The following ARHGAP12 variants were observed in gnomAD, a reference collection of about 807,000 sequenced individuals.
The protein encoded by ARHGAP12 is Rho GTPase activating protein 12.
In ARHGAP12, 64 loss-of-function variants were observed where a neutral mutation model predicts 108.6. The observed-to-expected ratio is 0.59, with a 90% CI of 0.48 to 0.73. The LOEUF (loss-of-function observed/expected upper bound fraction) is 0.73. ARHGAP12 is among the 30% of genes least tolerant of loss of function. ARHGAP12 has a pLI of 0.00. For missense variants in ARHGAP12, 940 were observed against 1,005.9 expected (o/e 0.93, Z 0.89); for synonymous variants, 312 against 337.2 (o/e 0.93, Z 0.82).
intron 15 of ARHGAP12, among the ~76,000 whole-genome samples, chr10:31,811,935 G>A (rs1835038655): frequency 6.6e-6 from 1 of 152,144 alleles, no homozygotes; most frequent in Admixed American, 6.6e-5. Context: ...GTTTACAGAT[G>A]TGAGCCACTG....
chr10:31,864,429 T>C (rs1219932815), intron 3 of ARHGAP12, among the ~76,000 whole-genome samples: 1 of 152,214 alleles, frequency 6.6e-6, no homozygotes, highest in Non-Finnish European at 1.5e-5. Flanking sequence ...TAAACCCTTG[T>C]TCCTAAATGG....
chr10:31,818,305 A>T (rs755513793), intron 12 of ARHGAP12, among the ~76,000 whole-genome samples: 9 of 152,242 alleles, frequency 5.9e-5, no homozygotes, highest in Non-Finnish European at 1.2e-4. Context: ...TGGCTAAAAA[A>T]TACAGAAGAA....
chr10:31,881,870 G>GTTTCAAAT (rs898803025), intron 3 of ARHGAP12, among the ~76,000 whole-genome samples: 1 of 150,006 alleles, frequency 6.7e-6, no homozygotes, highest in African/African-American at 2.5e-5. Context: ...AGAAATAAGT[G>GTTTCAAAT]TTTCAAATTT....
chr10:31,852,699 A>G, intron 5 of ARHGAP12, 102 bp from the exon 6 acceptor site: 1 of 727,786 alleles, frequency 1.4e-6, no homozygotes, highest in Non-Finnish European at 2.3e-6. Flanking sequence ...ATTTTATTCT[A>G]CTTGATCAAG....
chr10:31,843,441 A>G lies in ARHGAP12; in HGVS notation c.1296+20T>C, dbSNP rs377639748. On this transcript the variant is annotated intron_variant, in intron 7 of 19. Transcript: ENST00000344936. The stretch of plus-strand genomic sequence containing the variant: ...TACAATATAATGCAAAGAACTTGCC[A>G]AAAATCTCAACAGTCCTACCTTATC... 3.7e-5 allele frequency: 59 copies of G among 1,605,218 alleles called. No homozygotes were observed. Among genetic ancestry groups the G allele is most frequent in the African/African-American group, 1.5e-4 (11 of 74,262 alleles).
rs1022935126 is a variant in ARHGAP12, at chr10:31,826,346, T to G, written c.1488A>C (p.Ser496=). 3 of 1,613,134 alleles carry G rather than the reference T, an allele frequency of 1.9e-6. No individual in the cohort carries two copies. Among genetic ancestry groups the G allele is most frequent in the Admixed American group, 3.3e-5 (2 of 59,920 alleles). ...CTTGAGTTTTGGTAAAAAGTAAAGA[T>G]GAACCCTGCAACACCGCCCAAGAAG... The part of the protein sequence containing the change: ...WLSSWAVLQG[S]SLLFTKTQGS... Residue 496 remains serine (S), a synonymous_variant, in exon 11 of 20, where the codon TCA becomes TCC. Transcript: ENST00000344936.
intron 3 of ARHGAP12, among the ~76,000 whole-genome samples, chr10:31,897,056 G>C (rs771402013): frequency 6.6e-6 from 1 of 152,146 alleles, no homozygotes; most frequent in Non-Finnish European, 1.5e-5. Context: ...TGGCAGTCTT[G>C]AAAGAAAGAC....
At chr10:31,907,844 T>G (rs1839199234) in intron 3 of ARHGAP12, among the ~76,000 whole-genome samples, 1 of 152,152 alleles carries the variant, frequency 6.6e-6, no homozygotes, top group Non-Finnish European at 1.5e-5. Flanking sequence ...ATTTTTTCTA[T>G]TAGAAGAAAT....
At chr10:31,873,998 C>T (rs1837632905) in intron 3 of ARHGAP12, among the ~76,000 whole-genome samples, 1 of 152,182 alleles carries the variant, frequency 6.6e-6, no homozygotes, top group Admixed American at 6.5e-5. Context: ...ACTCTATCAT[C>T]AGCATTCAGA....
chr10:31,910,953 T>C (rs1388776961), intron 1 of ARHGAP12, among the ~76,000 whole-genome samples: 1 of 152,220 alleles, frequency 6.6e-6, no homozygotes, highest in Non-Finnish European at 1.5e-5. Context: ...AATAAAAACG[T>C]ATGTTAAAAG....
In ARHGAP12 at chr10:31,816,018, G is replaced by A. The variant is rs182544749; in HGVS notation, c.1732-1657C>T. Reference sequence around the variant, plus strand: ...TACAAAAACTTAGGCAGGTGTGGTGGTGGGTGCCTGTTATCCCAGCTACTT... The same window carrying A: ...TACAAAAACTTAGGCAGGTGTGGTGATGGGTGCCTGTTATCCCAGCTACTT... On this transcript the variant is annotated intron_variant, in intron 13 of 19. Coordinates refer to ENST00000344936, the MANE Select transcript of ARHGAP12 (RefSeq NM_018287.7). Among the ~76,000 whole-genome samples the A allele has an allele frequency of 2.4e-3, 363 of 152,192 alleles. 1 individual carries two copies. Among genetic ancestry groups the A allele is most frequent in the African/African-American group, 8.6e-3 (355 of 41,518 alleles).
intron 11 of ARHGAP12, among the ~76,000 whole-genome samples, chr10:31,823,963 G>C (rs1835506640): frequency 6.6e-6 from 1 of 152,102 alleles, no homozygotes; most frequent in African/African-American, 2.4e-5. Context: ...AACAAAGCTA[G>C]AATTCTTTAA....
In ARHGAP12 at chr10:31,880,530, A is replaced by G. The variant is rs147630010; in HGVS notation, c.685-18872T>C. On this transcript the variant is annotated intron_variant, in intron 3 of 19. Coordinates refer to ENST00000344936, the MANE Select transcript of ARHGAP12 (RefSeq NM_018287.7). ...TTCAAACATTTCTGAAACAAAAAGA[A>G]TAAGATTCTACTTTTGAATGCCCTG... Among the ~76,000 whole-genome samples the G allele has an allele frequency of 2.2e-4, 34 of 152,312 alleles. No individual in the cohort carries two copies. The East Asian group carries it at 6.0e-3, about 27-fold the overall frequency.
chr10:31,920,511 G>A (rs182954924), intron 1 of ARHGAP12, among the ~76,000 whole-genome samples: 142 of 143,738 alleles, frequency 9.9e-4, no homozygotes, highest in African/African-American at 3.4e-3. Context: ...TACAAATGAT[G>A]AACTATTACC....
At chr10:31,916,321 T>C (rs1839553716) in intron 1 of ARHGAP12, among the ~76,000 whole-genome samples, 1 of 152,084 alleles carries the variant, frequency 6.6e-6, no homozygotes, top group Admixed American at 6.6e-5. Flanking sequence ...CCTCCCTTTT[T>C]CCACGTTTCA....
At chr10:31,861,912 G>A (rs1392989563) in intron 3 of ARHGAP12, among the ~76,000 whole-genome samples, 1 of 152,180 alleles carries the variant, frequency 6.6e-6, no homozygotes, top group Non-Finnish European at 1.5e-5. Context: ...GGACAGCCAA[G>A]AGCTGTGGGT....
chr10:31,883,532 A>C (rs575469455), intron 3 of ARHGAP12, among the ~76,000 whole-genome samples: 37 of 152,282 alleles, frequency 2.4e-4, no homozygotes, highest in African/African-American at 8.7e-4. Context: ...CAGCACAAAA[A>C]TATTTAAAAC....
chr10:31,890,452 A>G (rs535087722), intron 3 of ARHGAP12, among the ~76,000 whole-genome samples: 9 of 152,342 alleles, frequency 5.9e-5, no homozygotes, highest in East Asian at 3.9e-4. Context: ...AGCAGAAATC[A>G]TAAGTACTAA....
chr10:31,880,490 GTTTAA>G (rs58346049), intron 3 of ARHGAP12, among the ~76,000 whole-genome samples: 24,107 of 151,836 alleles, frequency 0.16, 2,370 homozygotes, highest in East Asian at 0.28. Context: ...AAACACTTTT[GTTTAA>G]TTTAATGGGT....
Sources: gnomAD v4.1 joint callset for allele counts (sites outside exome capture counted in the v4.1 genomes callset) on GRCh38, gnomAD v4.1.1 for gene constraint, MANE v1.5 for transcripts, NCBI Gene and HGNC (gene_info 2026-07-23, HGNC 2026-07-21) for gene names.